Variants in KCNIP4 observed in about 807,000 individuals in gnomAD.
KCNIP4 encodes the protein potassium voltage-gated channel interacting protein 4.
Under a neutral mutation model 34.0 loss-of-function variants are expected in KCNIP4, and 12 were observed. The observed-to-expected ratio is 0.35, with a 90% CI of 0.23 to 0.57. The LOEUF is 0.57. Among genes scored for constraint, KCNIP4 ranks in the 20% least tolerant of loss-of-function variants. The pLI, the probability that KCNIP4 is intolerant of heterozygous loss-of-function variation, is 0.83. For missense variants in KCNIP4, 238 were observed against 311.7 expected (o/e 0.76, Z 1.78); for synonymous variants, 124 against 102.2 (o/e 1.21, Z -1.29).
intron 1 of KCNIP4, among the ~76,000 whole-genome samples, chr4:21,242,187 G>A (rs200433729): frequency 0.011 from 1,083 of 101,620 alleles, no homozygotes; most frequent in African/African-American, 0.016. Flanking sequence ...AAAAAAAAAA[G>A]AATGTCTTCT....
chr4:21,751,165 C>T (rs1717125304), intron 1 of KCNIP4, among the ~76,000 whole-genome samples: 1 of 152,094 alleles, frequency 6.6e-6, no homozygotes, highest in South Asian at 2.1e-4. Flanking sequence ...CTTTCTCAAA[C>T]AAATCAATGA....
chr4:21,065,957 C>T (rs559289743), intron 1 of KCNIP4, among the ~76,000 whole-genome samples: 2 of 151,922 alleles, frequency 1.3e-5, no homozygotes, highest in East Asian at 1.9e-4. Flanking sequence ...AAGATACTCA[C>T]TTGTAAAATA....
In KCNIP4 at chr4:21,084,762, A is replaced by T. The variant is rs768622459; in HGVS notation, c.62-202053T>A. Among the ~76,000 whole-genome samples, 17 of 151,242 alleles carry T rather than the reference A, an allele frequency of 1.1e-4. 1 individual carries two copies. Among genetic ancestry groups the T allele is most frequent in the Non-Finnish European group, 2.9e-5 (2 of 67,962 alleles). ...TCCTCATCTCTCACTTGGATGCCTA[A>T]AATAGCCACTTCAGCCCCTCTTTCT... On this transcript the variant is annotated intron_variant, in intron 1 of 8. Coordinates refer to ENST00000382152, the MANE Select transcript of KCNIP4 (RefSeq NM_025221.6).
chr4:21,137,208 G>A (rs979413301), intron 1 of KCNIP4, among the ~76,000 whole-genome samples: 6 of 152,126 alleles, frequency 3.9e-5, no homozygotes, highest in East Asian at 1.9e-4. Flanking sequence ...GGTACCCGAC[G>A]ACACCACCAG....
intron 3 of KCNIP4, among the ~76,000 whole-genome samples, chr4:20,783,983 T>C (rs965401098): frequency 6.6e-6 from 1 of 152,076 alleles, no homozygotes; most frequent in East Asian, 1.9e-4. Context: ...GCAGGCCTGG[T>C]TCCTGCCCCT....
intron 1 of KCNIP4, among the ~76,000 whole-genome samples, chr4:21,017,639 C>T (rs60734157): frequency 0.11 from 17,266 of 152,172 alleles, 1,034 homozygotes; most frequent in South Asian, 0.18. Context: ...GTCAATAGTG[C>T]TGCAAGGAAC....
At chr4:21,213,594 G>C (rs1757375507) in intron 1 of KCNIP4, among the ~76,000 whole-genome samples, 1 of 152,060 alleles carries the variant, frequency 6.6e-6, no homozygotes. Flanking sequence ...GAGCCACCAT[G>C]CACGGCCGAA....
chr4:21,488,910 A>T (rs1431208495), intron 1 of KCNIP4, among the ~76,000 whole-genome samples: 1 of 152,152 alleles, frequency 6.6e-6, no homozygotes, highest in African/African-American at 2.4e-5. Flanking sequence ...TCTTGTCAGC[A>T]CTTCACCTCA....
intron 1 of KCNIP4, among the ~76,000 whole-genome samples, chr4:21,501,114 T>A (rs1025151912): frequency 6.6e-6 from 1 of 152,168 alleles, no homozygotes; most frequent in East Asian, 1.9e-4. Flanking sequence ...CACCTCCTCA[T>A]GTTCTCTTGC....
intron 1 of KCNIP4, chr4:21,846,934 G>A (rs984494281): frequency 1.3e-5 from 2 of 152,160 alleles, no homozygotes; most frequent in African/African-American, 4.8e-5. Flanking sequence ...GGATAGAGAA[G>A]GGGAGATGAG....
At chr4:20,761,771 G>A (rs1754982310) in intron 3 of KCNIP4, among the ~76,000 whole-genome samples, 1 of 152,202 alleles carries the variant, frequency 6.6e-6, no homozygotes, top group African/African-American at 2.4e-5. Flanking sequence ...TGTGTTTTAT[G>A]TTTAATCACA....
At chr4:21,735,319 T>C (rs951523827) in intron 1 of KCNIP4, among the ~76,000 whole-genome samples, 1 of 152,206 alleles carries the variant, frequency 6.6e-6, no homozygotes, top group African/African-American at 2.4e-5. Context: ...TAGCAATTAT[T>C]AAAAATTAAA....
chr4:21,248,931 G>C (rs528340163), intron 1 of KCNIP4, among the ~76,000 whole-genome samples: 1 of 152,176 alleles, frequency 6.6e-6, no homozygotes, highest in Admixed American at 6.5e-5. Flanking sequence ...TGCTTTCGCT[G>C]TTGTATCTCC....
At chr4:21,166,753 A>G (rs1055499338) in intron 1 of KCNIP4, among the ~76,000 whole-genome samples, 2 of 152,030 alleles carry the variant, frequency 1.3e-5, no homozygotes, top group African/African-American at 4.8e-5. Context: ...AGCCTTGCCA[A>G]CATGGCAAAA....
intron 1 of KCNIP4, among the ~76,000 whole-genome samples, chr4:21,495,351 C>A (rs1333634526): frequency 6.6e-6 from 1 of 152,172 alleles, no homozygotes; most frequent in Admixed American, 6.6e-5. Context: ...GATTCCTGGA[C>A]CACCCCACTT....
At chr4:21,514,066 A>G (rs1485589782) in intron 1 of KCNIP4, among the ~76,000 whole-genome samples, 1 of 152,192 alleles carries the variant, frequency 6.6e-6, no homozygotes, top group Non-Finnish European at 1.5e-5. Flanking sequence ...GACCTTGAGA[A>G]AAGTGAAGGT....
At chr4:21,811,055 C>T (rs1721621249) in intron 1 of KCNIP4, among the ~76,000 whole-genome samples, 1 of 152,172 alleles carries the variant, frequency 6.6e-6, no homozygotes, top group Admixed American at 6.5e-5. Flanking sequence ...AGCATTAGTC[C>T]CACTTTAACT....
intron 5 of KCNIP4, among the ~76,000 whole-genome samples, chr4:20,739,044 G>A (rs899760645): frequency 3.9e-5 from 6 of 152,190 alleles, no homozygotes; most frequent in African/African-American, 1.4e-4. Flanking sequence ...TGAGGGAGGG[G>A]CGTCCACCAT....
At chr4:21,484,196 G>A (rs966083909) in intron 1 of KCNIP4, among the ~76,000 whole-genome samples, 2 of 152,042 alleles carry the variant, frequency 1.3e-5, no homozygotes, top group African/African-American at 4.8e-5. Flanking sequence ...GGAGGCTGAG[G>A]TGGGCAGATC....
Sources: gnomAD v4.1 joint callset for allele counts (sites outside exome capture counted in the v4.1 genomes callset) on GRCh38, gnomAD v4.1.1 for gene constraint, MANE v1.5 for transcripts, NCBI Gene and HGNC (gene_info 2026-07-23, HGNC 2026-07-21) for gene names.